SCAPER: variants seen among roughly 807,000 people sequenced by gnomAD.
SCAPER encodes S phase cyclin A-associated protein in the endoplasmic reticulum.
SCAPER carries 98 observed loss-of-function variants against 182.2 expected under a neutral mutation model. The ratio of observed to expected loss-of-function variants is 0.54; its 90% CI spans 0.46 to 0.64. The LOEUF is 0.64. SCAPER is among the 30% of genes least tolerant of loss of function. The pLI, the probability that SCAPER is intolerant of heterozygous loss-of-function variation, is 0.00. For synonymous variants in SCAPER, 605 were observed against 564.6 expected, an observed-to-expected ratio of 1.07 and a Z score of -1.01; for missense variants, 1,432 against 1,690.0, an observed-to-expected ratio of 0.85 and a Z score of 2.68.
chr15:76,618,150 C>A (rs188669040), intron 22 of SCAPER, among the ~76,000 whole-genome samples: 271 of 152,172 alleles, frequency 1.8e-3, no homozygotes, highest in Non-Finnish European at 3.1e-3. Context: ...ATCCCAGCTA[C>A]TAGGGAGGCT....
chr15:76,671,613 C>CA (rs1043075753), intron 20 of SCAPER, among the ~76,000 whole-genome samples: 8 of 151,672 alleles, frequency 5.3e-5, no homozygotes, highest in African/African-American at 1.2e-4. Context: ...ACTAAAAATA[C>CA]AAAAAAATTA....
chr15:76,511,474 TA>T (rs956119819), intron 23 of SCAPER, among the ~76,000 whole-genome samples: 2 of 152,154 alleles, frequency 1.3e-5, no homozygotes, highest in Non-Finnish European at 2.9e-5. Flanking sequence ...ACTCTTTGCT[TA>T]AAACACTCCA....
chr15:76,656,474 A>C (rs2055645486), intron 21 of SCAPER, among the ~76,000 whole-genome samples: 1 of 152,194 alleles, frequency 6.6e-6, no homozygotes, highest in Non-Finnish European at 1.5e-5. Flanking sequence ...CCCCACTGAC[A>C]GCATTAAACA....
At chr15:76,655,831 A>G (rs552801326) in intron 21 of SCAPER, among the ~76,000 whole-genome samples, 4 of 152,318 alleles carry the variant, frequency 2.6e-5, no homozygotes, top group Non-Finnish European at 5.9e-5. Flanking sequence ...AAGGAGAAAT[A>G]AGATCCTTTT....
chr15:76,871,937 C>T (rs891320411), intron 2 of SCAPER, among the ~76,000 whole-genome samples: 1 of 151,760 alleles, frequency 6.6e-6, no homozygotes, highest in African/African-American at 2.4e-5. Context: ...TTCTTGATTA[C>T]TTAAAAGCTA....
chr15:76,536,339 C>T (rs951660309), intron 23 of SCAPER, among the ~76,000 whole-genome samples: 5 of 152,038 alleles, frequency 3.3e-5, no homozygotes, highest in Admixed American at 2.0e-4. Context: ...AAAAAAAACA[C>T]CCAGTATTAA....
intron 15 of SCAPER, among the ~76,000 whole-genome samples, chr15:76,750,063 G>T (rs533922932): frequency 6.6e-6 from 1 of 151,600 alleles, no homozygotes. Flanking sequence ...AATCAAGTTA[G>T]AAAGAAAACT....
intron 28 of SCAPER, among the ~76,000 whole-genome samples, chr15:76,378,424 G>C (rs1165466526): frequency 6.6e-6 from 1 of 152,108 alleles, no homozygotes; most frequent in Non-Finnish European, 1.5e-5. Flanking sequence ...CTTTTGACAT[G>C]TAAGTTGTTT....
intron 21 of SCAPER, among the ~76,000 whole-genome samples, chr15:76,641,736 C>T (rs1466948959): frequency 6.6e-6 from 1 of 152,074 alleles, no homozygotes; most frequent in Non-Finnish European, 1.5e-5. Context: ...CAGCATAAAA[C>T]AAAATTTGCA....
chr15:76,459,278 C>A (rs1441116670), intron 25 of SCAPER, among the ~76,000 whole-genome samples: 1 of 152,154 alleles, frequency 6.6e-6, no homozygotes, highest in African/African-American at 2.4e-5. Context: ...GACGTAACGA[C>A]TTCCAGTTCC....
intron 20 of SCAPER, among the ~76,000 whole-genome samples, chr15:76,688,341 T>C (rs1396153917): frequency 6.6e-6 from 1 of 152,224 alleles, no homozygotes; most frequent in Non-Finnish European, 1.5e-5. Flanking sequence ...ATTAGCCCTT[T>C]GTCATATGGA....
intron 23 of SCAPER, among the ~76,000 whole-genome samples, chr15:76,517,801 A>G (rs2042553276): frequency 6.6e-6 from 1 of 152,132 alleles, no homozygotes. Flanking sequence ...AATATAGAAT[A>G]CCACATGCAT....
chr15:76,616,742 A>G lies in SCAPER; in HGVS notation c.2711+5022T>C, dbSNP rs570457056. On this transcript the variant is annotated intron_variant, in intron 22 of 31. Transcript: ENST00000563290. The stretch of plus-strand genomic sequence containing the variant: ...GACTTAATTTGCTTTCCTTGTTGAT[A>G]TATATAGTTTTTAGGAAGATGTATA... Among the ~76,000 whole-genome samples the G allele has an allele frequency of 2.0e-5, 3 of 152,256 alleles. No individual in the cohort carries two copies. The South Asian group carries it at 6.2e-4, about 32-fold the overall frequency.
intron 20 of SCAPER, among the ~76,000 whole-genome samples, chr15:76,697,307 G>A (rs555009198): frequency 1.3e-5 from 2 of 152,042 alleles, no homozygotes; most frequent in Non-Finnish European, 2.9e-5. Context: ...GGAAGAAGAG[G>A]CTATAACCAA....
At chr15:76,642,767 G>T (rs1335832873) in intron 21 of SCAPER, among the ~76,000 whole-genome samples, 2 of 151,924 alleles carry the variant, frequency 1.3e-5, no homozygotes, top group African/African-American at 2.4e-5. Flanking sequence ...TACATTCTTT[G>T]ACATCATCAG....
At chr15:76,671,327 T>C (rs1387937332) in intron 20 of SCAPER, among the ~76,000 whole-genome samples, 1 of 151,966 alleles carries the variant, frequency 6.6e-6, no homozygotes. Context: ...ATTGAGATTA[T>C]AAAAGAAAAT....
intron 21 of SCAPER, among the ~76,000 whole-genome samples, chr15:76,648,884 C>T (rs1186036086): frequency 6.6e-6 from 1 of 152,198 alleles, no homozygotes. Flanking sequence ...TGCAGTAAGG[C>T]AGGCAACATG....
intron 17 of SCAPER, among the ~76,000 whole-genome samples, chr15:76,712,320 A>G (rs2059631547): frequency 6.6e-6 from 1 of 152,158 alleles, no homozygotes; most frequent in Admixed American, 6.5e-5. Context: ...TACCAGTACC[A>G]TGCTGTTTTG....
intron 23 of SCAPER, among the ~76,000 whole-genome samples, chr15:76,545,884 G>A (rs904659083): frequency 6.6e-6 from 1 of 152,248 alleles, no homozygotes; most frequent in Admixed American, 6.5e-5. Context: ...ATTAAGTCAT[G>A]CTTGTGTGGA....
Sources: allele counts gnomAD v4.1 joint callset (sites outside exome capture counted in the v4.1 genomes callset), GRCh38; gene constraint gnomAD v4.1.1; transcripts MANE v1.5; gene names NCBI Gene and HGNC (gene_info 2026-07-23, HGNC 2026-07-21).